CACNA1C: variants seen among roughly 807,000 people sequenced by gnomAD.
The protein encoded by CACNA1C is voltage-dependent L-type calcium channel subunit alpha-1C.
CACNA1C carries 30 observed loss-of-function variants against 229.0 expected under a neutral mutation model. That is an observed-to-expected ratio of 0.13 (90% CI 0.10 to 0.18). The LOEUF is 0.18. CACNA1C is among the 10% of genes least tolerant of loss of function. The pLI is 1.00. For missense variants in CACNA1C, 1,658 were observed against 2,845.0 expected, an observed-to-expected ratio of 0.58 and a Z score of 9.49; for synonymous variants, 1,114 against 1,132.5, an observed-to-expected ratio of 0.98 and a Z score of 0.33.
At position 2,380,274 on chromosome 12, in the gene CACNA1C, TTGCATGG is replaced by T. The variant is rs748739953; in HGVS notation, c.478-68698_478-68692del. Among the ~76,000 whole-genome samples the T allele has an allele frequency of 2.2e-3, 338 of 152,266 alleles. 1 individual carries two copies. The highest frequency in any genetic ancestry group is 3.1e-3 in the Admixed American group (48 of 15,296). ...AGCATCTGTGTAGTCTAACCCTAAC[TTGCATGG>T]TGCTTGCATGGCTATTTTTGGACTT... On this transcript the variant is annotated intron_variant, in intron 3 of 46. Coordinates refer to ENST00000399655, the MANE Select transcript of CACNA1C (RefSeq NM_000719.7).
At chr12:2,586,760 T>C (rs1315203348) in intron 18 of CACNA1C, among the ~76,000 whole-genome samples, 1 of 152,220 alleles carries the variant, frequency 6.6e-6, no homozygotes, top group Admixed American at 6.5e-5. Flanking sequence ...GTTCTCTGCT[T>C]AGAACACTCA....
chr12:2,347,375 TCA>T (rs567095626), intron 3 of CACNA1C, among the ~76,000 whole-genome samples: 51 of 152,376 alleles, frequency 3.3e-4, no homozygotes, highest in Admixed American at 1.3e-3. Context: ...ATCCACAGCA[TCA>T]CAGTTTCATT....
intron 22 of CACNA1C, 137 bp from the exon 23 acceptor site, chr12:2,604,944 C>A (rs1295325141): frequency 4.3e-6 from 3 of 703,118 alleles, no homozygotes; most frequent in East Asian, 5.5e-5. Flanking sequence ...TCCCAGAATG[C>A]GAACATCCCC....
In CACNA1C at chr12:2,695,143, C is replaced by G. The variant is rs570026820; in HGVS notation, c.*3944C>G. On this transcript the variant is annotated 3_prime_UTR_variant, in exon 47 of 47. Transcript: ENST00000399655. Reference sequence around the variant, plus strand: ...GTTTCCATATTTTAAAGAAGACCTGCCTCTGGGGCAAATGTCAGCACAGAG... The same window carrying G: ...GTTTCCATATTTTAAAGAAGACCTGGCTCTGGGGCAAATGTCAGCACAGAG... The G allele has an allele frequency of 6.6e-6, 1 of 152,334 alleles. No homozygotes were observed. The highest frequency in any genetic ancestry group is 1.9e-4 in the East Asian group (1 of 5,176). The allele number at this position is 152,334 out of a possible 1,614,324, so 9.4% of individuals were successfully genotyped here.
chr12:2,663,009 A>G (rs956860159), intron 34 of CACNA1C, among the ~76,000 whole-genome samples: 2 of 152,256 alleles, frequency 1.3e-5, no homozygotes, highest in Admixed American at 6.5e-5. Flanking sequence ...TTATTGCGGA[A>G]AAACAAAACT....
chr12:2,457,323 G>A (rs2099437610), intron 4 of CACNA1C, among the ~76,000 whole-genome samples: 1 of 152,210 alleles, frequency 6.6e-6, no homozygotes, highest in Non-Finnish European at 1.5e-5. Context: ...ACGGCAGAGG[G>A]CCTGCCCCTC....
chr12:2,319,725 G>A lies in CACNA1C; in HGVS notation c.478-129251G>A, dbSNP rs866354770. 4.6e-5 allele frequency among the ~76,000 whole-genome samples: 7 copies of A among 152,064 alleles called. No homozygotes were observed. Among genetic ancestry groups the A allele is most frequent in the African/African-American group, 9.7e-5 (4 of 41,404 alleles). On this transcript the variant is annotated intron_variant, in intron 3 of 46. Coordinates refer to ENST00000399655, the MANE Select transcript of CACNA1C (RefSeq NM_000719.7). This position sits in a 1 kb window ranked among gnomAD's most constrained non-coding sequence, Gnocchi z 4.0. ...GGTGTCTGCAAATGTTGGTGCTCAC[G>A]GGGGTGTGCTGGGCCGGGAGAGGAT...
In CACNA1C at chr12:2,275,602, T is replaced by C. The variant is rs7969407; in HGVS notation, c.477+155172T>C. Among the ~76,000 whole-genome samples the C allele has an allele frequency of 0.059, 8,897 of 151,750 alleles. 333 individuals are homozygous for C. Among genetic ancestry groups the C allele is most frequent in the African/African-American group, 0.098 (4,047 of 41,306 alleles). ...TGGAGCCTGTGTCATGGAAGAGAGG[T>C]GGCCTGACCACTCTAAGCCCACAGC... On this transcript the variant is annotated intron_variant, in intron 3 of 46. Transcript: ENST00000399655. This position sits in a 1 kb window ranked among gnomAD's most constrained non-coding sequence, Gnocchi z 4.1.
chr12:2,230,337 G>C (rs2064579869), intron 3 of CACNA1C, among the ~76,000 whole-genome samples: 1 of 152,178 alleles, frequency 6.6e-6, no homozygotes, highest in Non-Finnish European at 1.5e-5. Context: ...GGGGCCTCTC[G>C]CCTTGGTGGC....
In CACNA1C at chr12:2,455,756, C is replaced by T. The variant is rs1005271620; in HGVS notation, c.618-1811C>T. ...GGTGTCCAGCCATGTCTCTGCAGCACGTGACACCACCGCCTGTTCACTGAC... is the reference window on the plus strand; with the variant it reads ...GGTGTCCAGCCATGTCTCTGCAGCATGTGACACCACCGCCTGTTCACTGAC... On this transcript the variant is annotated intron_variant, in intron 4 of 46. Coordinates refer to ENST00000399655, the MANE Select transcript of CACNA1C (RefSeq NM_000719.7). 5.3e-5 allele frequency among the ~76,000 whole-genome samples: 8 copies of T among 152,290 alleles called. No individual in the cohort carries two copies. The South Asian group carries it at 1.7e-3, about 32-fold the overall frequency.
intron 3 of CACNA1C, among the ~76,000 whole-genome samples, chr12:2,268,700 G>T (rs963293359): frequency 1.3e-5 from 2 of 152,154 alleles, no homozygotes; most frequent in African/African-American, 4.8e-5. Context: ...ACCAAACCAC[G>T]GGAAGGGCTC....
rs376428285 is a variant in CACNA1C at position 2,653,230 on chromosome 12, C to T, written c.4075-605C>T. Among the ~76,000 whole-genome samples the T allele has an allele frequency of 1.3e-5, 2 of 152,234 alleles. No homozygotes were observed. Among genetic ancestry groups the T allele is most frequent in the East Asian group, 3.8e-4 (2 of 5,206 alleles). On this transcript the variant is annotated intron_variant, in intron 32 of 46. Transcript: ENST00000399655. The surrounding 1 kb of genome is among the most constrained non-coding windows in gnomAD (Gnocchi z 4.7). Reference sequence around the variant, plus strand: ...CCTTAAATCTTTTCAACCACAAAACCGCTGAGAGGTATTATTATTGTTTCC... The same window carrying T: ...CCTTAAATCTTTTCAACCACAAAACTGCTGAGAGGTATTATTATTGTTTCC...
intron 1 of CACNA1C, among the ~76,000 whole-genome samples, chr12:2,032,944 C>T (rs1016807312): frequency 2.6e-5 from 4 of 152,218 alleles, no homozygotes; most frequent in African/African-American, 9.7e-5. Flanking sequence ...AACATCCCTC[C>T]AGTGCTTGCT....
chr12:2,527,982 C>T (rs2099826142), intron 9 of CACNA1C, among the ~76,000 whole-genome samples: 1 of 152,174 alleles, frequency 6.6e-6, no homozygotes, highest in African/African-American at 2.4e-5. Context: ...CAATCATGTC[C>T]ATGAATTATA....
chr12:2,628,893 A>G (rs1452301781), intron 29 of CACNA1C, among the ~76,000 whole-genome samples: 2 of 152,186 alleles, frequency 1.3e-5, no homozygotes, highest in Admixed American at 1.3e-4. Flanking sequence ...AAAGGTAGAA[A>G]TTCAGAGATT....
intron 30 of CACNA1C, among the ~76,000 whole-genome samples, chr12:2,636,320 C>T (rs981632994): frequency 6.6e-6 from 1 of 152,216 alleles, no homozygotes; most frequent in African/African-American, 2.4e-5. Context: ...CACCAAGGCC[C>T]CATCGCTCAG....
At chr12:2,190,193 T>C (rs1272378077) in intron 3 of CACNA1C, among the ~76,000 whole-genome samples, 1 of 152,244 alleles carries the variant, frequency 6.6e-6, no homozygotes, top group African/African-American at 2.4e-5. Context: ...TAATTAGCAA[T>C]GTTGTACTTC....
chr12:2,681,688 A>G (rs1394629656), intron 42 of CACNA1C, among the ~76,000 whole-genome samples: 1 of 151,918 alleles, frequency 6.6e-6, no homozygotes, highest in African/African-American at 2.4e-5. Flanking sequence ...GGCGGGTGGC[A>G]GTCTGCAGTC....
chr12:2,250,052 C>T (rs1482354729), intron 3 of CACNA1C, among the ~76,000 whole-genome samples: 1 of 152,114 alleles, frequency 6.6e-6, no homozygotes, highest in African/African-American at 2.4e-5. Flanking sequence ...TCGTGATCCA[C>T]CTGCCTCGGC....
Sources: gnomAD v4.1 joint callset for allele counts (sites outside exome capture counted in the v4.1 genomes callset) on GRCh38, gnomAD v4.1.1 for gene constraint, Gnocchi (gnomAD v3.1) non-coding constraint, MANE v1.5 for transcripts, NCBI Gene and HGNC (gene_info 2026-07-23, HGNC 2026-07-21) for gene names.